RNLS: variants seen among roughly 807,000 people sequenced by gnomAD.
The protein encoded by RNLS is renalase, FAD dependent amine oxidase, also known as renalase.
In RNLS, 39 loss-of-function variants were observed where a neutral mutation model predicts 39.8. That is an observed-to-expected ratio of 0.98 (90% CI 0.76 to 1.28). The LOEUF (loss-of-function observed/expected upper bound fraction) is 1.28, where lower values mean the gene tolerates loss of function less well. Ranked by LOEUF, RNLS falls within the 50% of genes most tolerant of loss-of-function variation. The pLI is 0.00. For missense variants in RNLS, 410 were observed against 413.3 expected, an observed-to-expected ratio of 0.99 and a Z score of 0.07; for synonymous variants, 147 against 150.7, an observed-to-expected ratio of 0.98 and a Z score of 0.18.
intron 5 of RNLS, among the ~76,000 whole-genome samples, chr10:88,331,729 G>C (rs1220787168): frequency 6.6e-6 from 1 of 152,094 alleles, no homozygotes; most frequent in Admixed American, 6.5e-5. Flanking sequence ...TTGATGATAC[G>C]TTTGCCCTTC....
At chr10:88,183,346 T>G in the RNLS span, among the ~76,000 whole-genome samples, 4 of 152,166 alleles carry the variant, frequency 2.6e-5, no homozygotes, top group African/African-American at 9.7e-5. Context: ...AGATGAAGCC[T>G]TCTTTTTCAC....
intron 4 of RNLS, among the ~76,000 whole-genome samples, chr10:88,518,452 A>T (rs997352080): frequency 7.2e-5 from 11 of 152,010 alleles, no homozygotes; most frequent in Admixed American, 5.9e-4. Flanking sequence ...TTAAGTTAGA[A>T]AATCTTGTTA....
chr10:88,575,471 C>A lies in RNLS; in HGVS notation c.368-2410G>T, dbSNP rs74799701. ...ATGATGCGCGCTAAAGTATGAGAACCACTGGGGTAGGTGGACACGCCCAAA... is the reference window on the plus strand; with the variant it reads ...ATGATGCGCGCTAAAGTATGAGAACAACTGGGGTAGGTGGACACGCCCAAA... On this transcript the variant is annotated intron_variant, in intron 3 of 6. Transcript: ENST00000331772. Among the ~76,000 whole-genome samples the A allele has an allele frequency of 7.3e-3, 1,104 of 151,806 alleles. 15 individuals are homozygous for A. Among genetic ancestry groups the A allele is most frequent in the African/African-American group, 0.025 (1,052 of 41,356 alleles).
intron 5 of RNLS, among the ~76,000 whole-genome samples, chr10:88,342,123 G>A (rs1848001273): frequency 6.6e-6 from 1 of 152,162 alleles, no homozygotes; most frequent in Non-Finnish European, 1.5e-5. Flanking sequence ...GCTGTTCAAA[G>A]CTCTTGTGCT....
chr10:88,253,567 G>C, the RNLS span, among the ~76,000 whole-genome samples: 4 of 152,180 alleles, frequency 2.6e-5, no homozygotes, highest in African/African-American at 9.7e-5. Context: ...CTTGCCCTGA[G>C]AACCATGTGG....
the RNLS span, among the ~76,000 whole-genome samples, chr10:88,248,799 C>T: frequency 2.0e-5 from 3 of 152,176 alleles, no homozygotes; most frequent in African/African-American, 7.2e-5. Flanking sequence ...ATGACCACCA[C>T]AATTAACCTC....
Position 88,380,130 on chromosome 10 carries a change from A to G in RNLS, c.527-17405T>C, listed in dbSNP as rs999070466. Among the ~76,000 whole-genome samples, 8 of 152,070 alleles carry G rather than the reference A, an allele frequency of 5.3e-5. 1 individual carries two copies. The highest frequency in any genetic ancestry group is 1.0e-4 in the Non-Finnish European group (7 of 68,010). On this transcript the variant is annotated intron_variant, in intron 4 of 6. Transcript: ENST00000331772. The stretch of plus-strand genomic sequence containing the variant: ...AAAATTGCAACAACGAAGGAGGTTG[A>G]TTATCTTTTCATGCTTATTGATCAT...
At chr10:88,183,694 A>G in the RNLS span, among the ~76,000 whole-genome samples, 1 of 152,150 alleles carries the variant, frequency 6.6e-6, no homozygotes, top group East Asian at 1.9e-4. Flanking sequence ...ATCAAAATGC[A>G]TTAGTGCTAT....
intron 6 of RNLS, among the ~76,000 whole-genome samples, chr10:88,298,254 C>G (rs1219795919): frequency 6.6e-6 from 1 of 151,792 alleles, no homozygotes; most frequent in East Asian, 1.9e-4. Flanking sequence ...AGATATGTGA[C>G]TCATAAATAT....
chr10:88,537,744 G>A (rs1847842780), intron 4 of RNLS, among the ~76,000 whole-genome samples: 1 of 152,134 alleles, frequency 6.6e-6, no homozygotes, highest in African/African-American at 2.4e-5. Flanking sequence ...GCTAAGGGGG[G>A]CTTCTCAAGT....
intron 4 of RNLS, among the ~76,000 whole-genome samples, chr10:88,470,695 A>G (rs1467247098): frequency 1.3e-5 from 2 of 149,658 alleles, no homozygotes; most frequent in Admixed American, 6.8e-5. Flanking sequence ...GGCTCACTGC[A>G]ACCTCCACCT....
chr10:88,400,953 T>C (rs1252100505), intron 4 of RNLS, among the ~76,000 whole-genome samples: 1 of 151,966 alleles, frequency 6.6e-6, no homozygotes, highest in African/African-American at 2.4e-5. Context: ...TATTATTTCC[T>C]AGATATTATA....
the RNLS span, among the ~76,000 whole-genome samples, chr10:88,202,513 C>T: frequency 6.6e-6 from 1 of 152,328 alleles, no homozygotes; most frequent in South Asian, 2.1e-4. Flanking sequence ...CCCTCCATGG[C>T]AGAGCCCCTT....
rs373805328 is a variant in RNLS at position 88,406,190 on chromosome 10, G to A, written c.527-43465C>T. ...TTGTCTTAACTTTGGATAACCTAAT[G>A]ACAATGTGCCTAGGCAAAGATATTT... On this transcript the variant is annotated intron_variant, in intron 4 of 6. Coordinates refer to ENST00000331772, the MANE Select transcript of RNLS (RefSeq NM_001031709.3). Among the ~76,000 whole-genome samples the A allele has an allele frequency of 7.2e-5, 11 of 152,148 alleles. No homozygotes were observed. In the East Asian group the frequency reaches 1.4e-3, roughly 19 times the overall value.
chr10:88,191,459 T>C, the RNLS span, among the ~76,000 whole-genome samples: 2 of 152,218 alleles, frequency 1.3e-5, no homozygotes, highest in Non-Finnish European at 2.9e-5. Flanking sequence ...TGATGTTTAA[T>C]ATAAGTTTAC....
At chr10:88,175,310 C>T in the RNLS span, among the ~76,000 whole-genome samples, 52 of 151,898 alleles carry the variant, frequency 3.4e-4, no homozygotes, top group Admixed American at 2.4e-3. Context: ...TTTGTTCTTG[C>T]TTTTCGAGAT....
At chr10:88,356,018 C>CTTGCGCGGGATATA (rs940408305) in intron 5 of RNLS, among the ~76,000 whole-genome samples, 5 of 152,364 alleles carry the variant, frequency 3.3e-5, no homozygotes, top group African/African-American at 4.8e-5. Flanking sequence ...CCCTCTGATC[C>CTTGCGCGGGATATA]TTGCGCGGGA....
intron 4 of RNLS, among the ~76,000 whole-genome samples, chr10:88,502,702 G>A (rs772480812): frequency 1.3e-5 from 2 of 152,138 alleles, no homozygotes; most frequent in African/African-American, 4.8e-5. Context: ...CTCTACAGGT[G>A]ATTCTGTGTA....
intron 4 of RNLS, among the ~76,000 whole-genome samples, chr10:88,417,919 C>A (rs1854137573): frequency 6.6e-6 from 1 of 152,128 alleles, no homozygotes; most frequent in Non-Finnish European, 1.5e-5. Context: ...TCCTGCCTCA[C>A]TCTATGTTGT....
Sources: gnomAD v4.1 joint callset for allele counts (sites outside exome capture counted in the v4.1 genomes callset) on GRCh38, gnomAD v4.1.1 for gene constraint, MANE v1.5 for transcripts, NCBI Gene and HGNC (gene_info 2026-07-23, HGNC 2026-07-21) for gene names.